The following CCDC150 variants were observed in gnomAD, a reference collection of about 807,000 sequenced individuals.
CCDC150 encodes coiled-coil domain-containing protein 150.
A neutral mutation model predicts 156.5 loss-of-function variants in CCDC150; 151 were observed. The ratio of observed to expected loss-of-function variants is 0.97; its 90% CI spans 0.85 to 1.10. The LOEUF is 1.10. CCDC150 is among the 50% of genes least tolerant of loss of function. The probability of loss-of-function intolerance (pLI) is 0.00; values close to 1 mark genes in which losing one functional copy is unlikely to be tolerated. For synonymous variants in CCDC150, 452 were observed against 429.4 expected, an observed-to-expected ratio of 1.05 and a Z score of -0.65; for missense variants, 1,312 against 1,268.1, an observed-to-expected ratio of 1.03 and a Z score of -0.53.
At chr2:196,689,550 T>TA (rs1695317728) in intron 13 of CCDC150, among the ~76,000 whole-genome samples, 1 of 152,158 alleles carries the variant, frequency 6.6e-6, no homozygotes, top group African/African-American at 2.4e-5. Context: ...TCTGTTTGTC[T>TA]GTTATTGGTG....
chr2:196,670,013 A>G (rs1163340203), intron 8 of CCDC150, 137 bp downstream of exon 8: 3 of 551,506 alleles, frequency 5.4e-6, no homozygotes, highest in Admixed American at 6.3e-5. Flanking sequence ...AATGAGTAGT[A>G]TATTTAGGAT....
chr2:196,730,019 G>A lies in CCDC150; in HGVS notation c.2883G>A (p.Leu961=). The stretch of plus-strand genomic sequence containing the variant: ...ACCTGCAGAAAGAGATGCAGATGTT[G>A]GCTAAGAGCCAATATGATGCCTCAG... ...MTNLQKEMQM[L]AKSQYDASVR... is the part of the protein sequence containing the mutation. The change falls in exon 25 of 28, where the codon TTG becomes TTA. Residue 961 remains leucine, a synonymous_variant. Coordinates refer to ENST00000389175, the MANE Select transcript of CCDC150 (RefSeq NM_001080539.2). 11 of 1,613,796 alleles carry A rather than the reference G, an allele frequency of 6.8e-6. No homozygotes were observed. The highest frequency in any genetic ancestry group is 8.5e-6 in the Non-Finnish European group (10 of 1,179,800).
chr2:196,677,800 G>A (rs976006152), intron 13 of CCDC150, among the ~76,000 whole-genome samples: 8 of 152,306 alleles, frequency 5.3e-5, no homozygotes, highest in Middle Eastern at 3.4e-3. Flanking sequence ...AGACCAGCTC[G>A]ACCTACATAG....
At chr2:196,708,548 C>A (rs1012344612) in intron 15 of CCDC150, among the ~76,000 whole-genome samples, 1 of 152,126 alleles carries the variant, frequency 6.6e-6, no homozygotes, top group African/African-American at 2.4e-5. Flanking sequence ...ATCCTGTCAT[C>A]ATGATGTTAG....
intron 27 of CCDC150, 76 bp from the exon 28 acceptor site, chr2:196,732,370 T>A: frequency 8.3e-7 from 1 of 1,206,204 alleles, no homozygotes; most frequent in Non-Finnish European, 1.2e-6. Context: ...AGATGACATG[T>A]GTAGAGGCAA....
intron 10 of CCDC150, among the ~76,000 whole-genome samples, chr2:196,675,659 G>C (rs1450738617): frequency 6.6e-6 from 1 of 152,072 alleles, no homozygotes; most frequent in African/African-American, 2.4e-5. Context: ...TGCAATTTAA[G>C]ATAGTCTTAA....
chr2:196,701,625 A>C (rs1180077571), intron 15 of CCDC150, among the ~76,000 whole-genome samples: 1 of 152,234 alleles, frequency 6.6e-6, no homozygotes, highest in Non-Finnish European at 1.5e-5. Context: ...TGATATAGGT[A>C]AGCCTGACTT....
In CCDC150 at chr2:196,719,514, A is replaced by G; in HGVS notation, c.2013A>G (p.Arg671=). ...TCTGTTAGGTGGGAAACTTTCAGCGACAATTGGCAGAAGCTAAAGAAGACA... is the reference window on the plus strand; with the variant it reads ...TCTGTTAGGTGGGAAACTTTCAGCGGCAATTGGCAGAAGCTAAAGAAGACA... ...RENKKVGNFQ[R]QLAEAKEDNC... Residue 671 remains arginine, a synonymous_variant, in exon 19 of 28, where the codon CGA becomes CGG. Transcript: ENST00000389175. The G allele has an allele frequency of 6.2e-7, 1 of 1,610,644 alleles. No individual in the cohort carries two copies.
chr2:196,711,563 TC>T (rs1409683551), intron 15 of CCDC150, among the ~76,000 whole-genome samples: 1 of 152,216 alleles, frequency 6.6e-6, no homozygotes, highest in East Asian at 1.9e-4. Flanking sequence ...AATGATTTTG[TC>T]CTCCAAAATG....
chr2:196,683,001 T>C (rs1429513124), intron 13 of CCDC150, among the ~76,000 whole-genome samples: 1 of 152,086 alleles, frequency 6.6e-6, no homozygotes, highest in Non-Finnish European at 1.5e-5. Flanking sequence ...CCAATTTGGC[T>C]GCCTTTTATT....
intron 22 of CCDC150, 93 bp downstream of exon 22, chr2:196,726,192 T>C (rs1575976384): frequency 2.9e-6 from 4 of 1,385,762 alleles, no homozygotes; most frequent in Non-Finnish European, 4.0e-6. Context: ...GTTCTTTGAC[T>C]CCTCTCATCC....
intron 6 of CCDC150, 69 bp from the exon 7 acceptor site, chr2:196,666,650 A>G (rs1382221553): frequency 6.2e-6 from 8 of 1,291,066 alleles, no homozygotes; most frequent in Non-Finnish European, 7.5e-6. Flanking sequence ...TGCCTTATAC[A>G]TGTGCTATAA....
chr2:196,692,974 C>T (rs769298074), intron 13 of CCDC150, among the ~76,000 whole-genome samples: 31 of 152,278 alleles, frequency 2.0e-4, no homozygotes, highest in Non-Finnish European at 4.0e-4. Context: ...TCTCTAAGAA[C>T]TTGCTTTGTG....
At chr2:196,691,523 GTTGT>G (rs575203646) in intron 13 of CCDC150, among the ~76,000 whole-genome samples, 63 of 152,132 alleles carry the variant, frequency 4.1e-4, no homozygotes, top group Non-Finnish European at 7.4e-4. Context: ...TTCTCTGATG[GTTGT>G]TTGTATTTCT....
At chr2:196,719,436 C>A in intron 18 of CCDC150, 61 bp from the exon 19 acceptor site, 1 of 1,399,316 alleles carries the variant, frequency 7.1e-7, no homozygotes, top group Non-Finnish European at 9.6e-7. Flanking sequence ...TAATGAGATC[C>A]ACAAGCAGAA....
In CCDC150 at chr2:196,695,141, C is replaced by T; in HGVS notation, c.1605C>T (p.Val535=). Residue 535 remains valine (V), a synonymous_variant, in exon 14 of 28, where the codon GTC becomes GTT. Transcript: ENST00000389175. ...TGGCTTCCCTAGAACTTCAGCAAGT[C>T]ACTTCTGATTACCATGGGGTGGGTA... ...DQMASLELQQ[V]TSDYHGLAQQ... 6.3e-7 allele frequency: 1 copy of T among 1,599,092 alleles called. No individual in the cohort carries two copies. The highest frequency in any genetic ancestry group is 1.1e-5 in the South Asian group (1 of 90,558).
At chr2:196,658,399 C>T (rs1421181382) in intron 4 of CCDC150, among the ~76,000 whole-genome samples, 1 of 151,942 alleles carries the variant, frequency 6.6e-6, no homozygotes, top group Non-Finnish European at 1.5e-5. Context: ...CTGTGTTTTT[C>T]ATCCTCAACT....
At position 196,656,681 on chromosome 2, in the gene CCDC150, A is replaced by G; in HGVS notation, c.225A>G (p.Lys75=). 2 of 1,613,516 alleles carry G rather than the reference A, an allele frequency of 1.2e-6. No individual in the cohort carries two copies. Among genetic ancestry groups the G allele is most frequent in the Non-Finnish European group, 1.7e-6 (2 of 1,179,680 alleles). The stretch of plus-strand genomic sequence containing the variant: ...GTTTAGAAGACCTGGACAGCCAGAA[A>G]GTCATTAGTCCTATCCAAAATGAAG... ...PDCLEDLDSQ[K]VISPIQNEAI... Residue 75 remains lysine (K), a synonymous_variant, in exon 3 of 28, where the codon AAA becomes AAG. Coordinates refer to ENST00000389175, the MANE Select transcript of CCDC150 (RefSeq NM_001080539.2).
intron 22 of CCDC150, among the ~76,000 whole-genome samples, chr2:196,728,928 C>T (rs889710983): frequency 1.4e-4 from 21 of 152,176 alleles, no homozygotes; most frequent in Non-Finnish European, 2.6e-4. Flanking sequence ...AGATGCCTGA[C>T]TCCAAAGTCA....
Sources: gnomAD v4.1 joint callset for allele counts (sites outside exome capture counted in the v4.1 genomes callset) on GRCh38, gnomAD v4.1.1 for gene constraint, MANE v1.5 for transcripts, NCBI Gene and HGNC (gene_info 2026-07-23, HGNC 2026-07-21) for gene names.